TMEM245: variants seen among roughly 807,000 people sequenced by gnomAD.
TMEM245 encodes the protein protein CG-2.
A neutral mutation model predicts 101.2 loss-of-function variants in TMEM245; 69 were observed. The ratio of observed to expected loss-of-function variants is 0.68; its 90% CI spans 0.56 to 0.83. The LOEUF (loss-of-function observed/expected upper bound fraction) is 0.83. Among genes scored for constraint, TMEM245 ranks in the 40% least tolerant of loss-of-function variants. The probability of loss-of-function intolerance (pLI) is 0.00; values close to 1 mark genes in which losing one functional copy is unlikely to be tolerated. For missense variants in TMEM245, 1,075 were observed against 1,092.8 expected (o/e 0.98, Z 0.23); for synonymous variants, 537 against 449.8 (o/e 1.19, Z -2.45).
chr9:109,111,253 A>G (rs1830559435), intron 1 of TMEM245, among the ~76,000 whole-genome samples: 1 of 152,172 alleles, frequency 6.6e-6, no homozygotes, highest in South Asian at 2.1e-4. Flanking sequence ...GGTTTTTCCA[A>G]TAAACTATAG....
intron 17 of TMEM245, among the ~76,000 whole-genome samples, chr9:109,022,534 AT>A (rs1305015177): frequency 2.2e-4 from 33 of 149,710 alleles, no homozygotes; most frequent in African/African-American, 7.3e-4. Flanking sequence ...CAATCTTGAA[AT>A]TTTTCTGCAT....
intron 5 of TMEM245, 45 bp from the exon 6 acceptor site, chr9:109,087,387 A>G: frequency 6.7e-7 from 1 of 1,490,022 alleles, no homozygotes; most frequent in Non-Finnish European, 9.0e-7. Context: ...ATATAGATTA[A>G]CAAGTTGTAA....
At position 109,050,625 on chromosome 9, in the gene TMEM245, A is replaced by G; in HGVS notation, c.1922T>C (p.Leu641Pro). Reference sequence around the variant, plus strand: ...CCCGCTGTAGAAGAGGATGGTCAAGAGTGTAGTGACAGTGGTGAACAGCAG... The same window carrying G: ...CCCGCTGTAGAAGAGGATGGTCAAGGGTGTAGTGACAGTGGTGAACAGCAG... ...VSLLFTTVTTLLTILFYSGTA... is the reference protein window; with the variant it reads ...VSLLFTTVTTPLTILFYSGTA... Residue 641 changes from leucine (L) to proline (P), a missense_variant, in exon 13 of 18, where the codon CTC (leucine) becomes CCC (proline). By Grantham distance (98) the Leu-to-Pro change is moderately conservative. Coordinates refer to ENST00000374586, the MANE Select transcript of TMEM245 (RefSeq NM_032012.4). The G allele has an allele frequency of 6.2e-7, 1 of 1,613,726 alleles. No individual in the cohort carries two copies. The highest frequency in any genetic ancestry group is 8.5e-7 in the Non-Finnish European group (1 of 1,179,948).
chr9:109,075,628 T>C (rs1231171605), intron 8 of TMEM245, among the ~76,000 whole-genome samples: 2 of 152,258 alleles, frequency 1.3e-5, no homozygotes, highest in African/African-American at 2.4e-5. Context: ...TTATCAAACT[T>C]GATGGCATAA....
intron 17 of TMEM245, among the ~76,000 whole-genome samples, chr9:109,024,993 TAA>T (rs777755863): frequency 1.3e-4 from 20 of 152,080 alleles, no homozygotes; most frequent in Non-Finnish European, 2.8e-4. Context: ...CAGGAACCAG[TAA>T]AGAGGCTGCT....
In TMEM245 at chr9:109,119,454, C is replaced by G; in HGVS notation, c.460G>C (p.Ala154Pro). 6.7e-7 allele frequency: 1 copy of G among 1,501,394 alleles called. No homozygotes were observed. Among genetic ancestry groups the G allele is most frequent in the African/African-American group, 1.5e-5 (1 of 68,826 alleles). 93.0% of individuals were successfully genotyped at this position (1,501,394 alleles called of 1,614,324 possible). ...RRRRLLLLLGAGGPLLYGLYC... is the reference protein window; with the variant it reads ...RRRRLLLLLGPGGPLLYGLYC... Reference sequence around the variant, plus strand: ...AGGCCGTACAGGAGCGGGCCGCCGGCGCCGAGCAGCAGGAGCAGGCGGCGG... The same window carrying G: ...AGGCCGTACAGGAGCGGGCCGCCGGGGCCGAGCAGCAGGAGCAGGCGGCGG... Residue 154 changes from alanine (A) to proline (P), a missense_variant, in exon 1 of 18, where the codon GCC becomes CCC. Ala to Pro is a conservative substitution (Grantham distance 27). Around this residue, in one of 2 missense-constraint regions of TMEM245, gnomAD observed 808 missense variants for 741.5 expected, o/e 1.09. Transcript: ENST00000374586.
intron 1 of TMEM245, among the ~76,000 whole-genome samples, chr9:109,113,391 G>C (rs1830623189): frequency 6.6e-6 from 1 of 152,226 alleles, no homozygotes; most frequent in East Asian, 1.9e-4. Flanking sequence ...TTTTATTCCA[G>C]GCATTAAATC....
At chr9:109,106,923 T>C (rs994105572) in intron 2 of TMEM245, among the ~76,000 whole-genome samples, 2 of 152,030 alleles carry the variant, frequency 1.3e-5, no homozygotes, top group Admixed American at 1.3e-4. Context: ...ACTCAAACCA[T>C]CTACTTCACC....
chr9:109,060,356 T>C lies in TMEM245; in HGVS notation c.1720A>G (p.Lys574Glu), dbSNP rs1413251118. 1 of 1,608,238 alleles carries C rather than the reference T, an allele frequency of 6.2e-7. No homozygotes were observed. The highest frequency in any genetic ancestry group is 2.2e-5 in the East Asian group (1 of 44,738). ...AAACTTTAGCTAAAATAACTTACCT[T>C]TACAAACCAAGAGTGATACAGTCTG... is the stretch of plus-strand genomic sequence containing the variant. ...WDRLYHSWFV[K>E]NVTHSGRHKG... Residue 574 changes from lysine (K) to glutamate (E), a missense_variant and splice_region_variant, in exon 11 of 18, where the codon AAG (lysine) becomes GAG (glutamate). Coordinates refer to ENST00000374586, the MANE Select transcript of TMEM245 (RefSeq NM_032012.4).
intron 2 of TMEM245, among the ~76,000 whole-genome samples, chr9:109,107,105 T>C (rs2132641960): frequency 6.6e-6 from 1 of 152,074 alleles, no homozygotes; most frequent in East Asian, 1.9e-4. Context: ...GTTTACAAGT[T>C]GGCTGGGCGC....
intron 11 of TMEM245, among the ~76,000 whole-genome samples, chr9:109,059,438 C>T (rs1043127277): frequency 2.6e-5 from 4 of 152,126 alleles, no homozygotes; most frequent in Non-Finnish European, 5.9e-5. Context: ...ATACACAGCA[C>T]GGCTCCTGCT....
chr9:109,024,634 G>T lies in TMEM245; in HGVS notation c.2595-4129C>A, dbSNP rs762936936. 1.1e-4 allele frequency among the ~76,000 whole-genome samples: 17 copies of T among 152,196 alleles called. 1 individual carries two copies. In the South Asian group the frequency reaches 2.1e-3, roughly 19 times the overall value. On this transcript the variant is annotated intron_variant, in intron 17 of 17. Transcript: ENST00000374586. Reference sequence around the variant, plus strand: ...TTTCAGTAATGTTTCTCACAAAAAGGGTACTTTGAGTATACACCATGATAC... The same window carrying T: ...TTTCAGTAATGTTTCTCACAAAAAGTGTACTTTGAGTATACACCATGATAC...
At position 109,106,512 on chromosome 9, in the gene TMEM245, A is replaced by C; in HGVS notation, c.795T>G (p.Ser265=). ...ATAGAATGCCCTATTTCTTACCAGA[A>C]GACTCTTTTCCATTCTGTTTTTCAT... is the stretch of plus-strand genomic sequence containing the variant. ...TLYEKQNGKE[S]SGAELPGQVI... The change falls in exon 3 of 18, where the codon TCT becomes TCG. Residue 265 remains serine (S), a synonymous_variant. Coordinates refer to ENST00000374586, the MANE Select transcript of TMEM245 (RefSeq NM_032012.4). The C allele has an allele frequency of 6.2e-7, 1 of 1,603,968 alleles. No homozygotes were observed. Among genetic ancestry groups the C allele is most frequent in the Non-Finnish European group, 8.5e-7 (1 of 1,173,424 alleles).
intron 3 of TMEM245, among the ~76,000 whole-genome samples, chr9:109,101,772 A>G (rs1830287510): frequency 6.6e-6 from 1 of 152,238 alleles, no homozygotes; most frequent in African/African-American, 2.4e-5. Flanking sequence ...CTTGCATATC[A>G]GCACATCACT....
In TMEM245 at chr9:109,119,781, G is replaced by A. The variant is rs1182302716; in HGVS notation, c.133C>T (p.Arg45Cys). 4 of 1,479,506 alleles carry A rather than the reference G, an allele frequency of 2.7e-6. No individual in the cohort carries two copies. The highest frequency in any genetic ancestry group is 3.6e-6 in the Non-Finnish European group (4 of 1,118,620). The allele number at this position is 1,479,506 out of a possible 1,614,324, so 91.6% of individuals were successfully genotyped here. Residue 45 changes from arginine to cysteine, a missense_variant, in exon 1 of 18, where the codon CGC becomes TGC. Physicochemically the swap from Arg to Cys is radical, Grantham distance 180. Around this residue, in one of 2 missense-constraint regions of TMEM245, gnomAD observed 808 missense variants for 741.5 expected, o/e 1.09. Transcript: ENST00000374586. ...ETPRTAALAL[R>C]FDKPIKQAFY... ...GCCTGCTTAATGGGCTTGTCGAAGC[G>A]CAGCGCCAGCGCCGCGGTCCGCGGG... is the stretch of plus-strand genomic sequence containing the variant.
chr9:109,111,815 G>T (rs1354765403), intron 1 of TMEM245, among the ~76,000 whole-genome samples: 1 of 151,342 alleles, frequency 6.6e-6, no homozygotes, highest in Non-Finnish European at 1.5e-5. Context: ...TTATAATGGT[G>T]AAAATATACT....
intron 9 of TMEM245, among the ~76,000 whole-genome samples, chr9:109,072,004 A>C (rs1449809785): frequency 6.6e-6 from 1 of 152,226 alleles, no homozygotes; most frequent in African/African-American, 2.4e-5. Flanking sequence ...TGAAGCCCCA[A>C]AACAGCCAGA....
chr9:109,101,137 T>C (rs10816770), intron 3 of TMEM245, among the ~76,000 whole-genome samples: 10,610 of 152,132 alleles, frequency 0.07, 524 homozygotes, highest in East Asian at 0.17. Flanking sequence ...AAAATAAGAA[T>C]AATAAATAAA....
chr9:109,031,293 A>T (rs1827938125), intron 17 of TMEM245, among the ~76,000 whole-genome samples: 1 of 152,184 alleles, frequency 6.6e-6, no homozygotes. Context: ...AAAATAAGAA[A>T]TTTTTTTTAA....
Sources: gnomAD v4.1 joint callset for allele counts (sites outside exome capture counted in the v4.1 genomes callset) on GRCh38, gnomAD v4.1.1 for gene constraint, gnomAD v4.1.1 regional missense constraint, MANE v1.5 for transcripts, NCBI Gene and HGNC (gene_info 2026-07-23, HGNC 2026-07-21) for gene names.